B4GALT6: variants seen among roughly 807,000 people sequenced by gnomAD.
B4GALT6 encodes the protein UDP-Gal:beta-GlcNAc beta-1,4-galactosyltransferase 6.
In B4GALT6, 14 loss-of-function variants were observed where a neutral mutation model predicts 46.3. The observed-to-expected ratio is 0.30, with a 90% CI of 0.20 to 0.47. B4GALT6 has a LOEUF of 0.47. B4GALT6 is among the 20% of genes least tolerant of loss of function. The pLI is 0.99. For missense variants in B4GALT6, 386 were observed against 480.1 expected, an observed-to-expected ratio of 0.80 and a Z score of 1.83; for synonymous variants, 168 against 162.0, an observed-to-expected ratio of 1.04 and a Z score of -0.28.
At chr18:31,690,203 C>T (rs2144775874), upstream of B4GALT6, among the ~76,000 whole-genome samples, 1 of 152,266 alleles carries the variant, frequency 6.6e-6, no homozygotes, top group Non-Finnish European at 1.5e-5. Flanking sequence ...GATCTCTTGG[C>T]ACACTGCAAT....
chr18:31,678,536 G>C (rs1375532132), intron 1 of B4GALT6, among the ~76,000 whole-genome samples: 1 of 152,244 alleles, frequency 6.6e-6, no homozygotes, highest in Non-Finnish European at 1.5e-5. Context: ...AGTAGAATGA[G>C]TCAGGAATCC....
chr18:31,656,761 G>A (rs1441717017), intron 3 of B4GALT6, among the ~76,000 whole-genome samples: 3 of 152,104 alleles, frequency 2.0e-5, no homozygotes, highest in African/African-American at 7.2e-5. Flanking sequence ...GCCTGGGAAT[G>A]TGAAAAGATA....
intron 5 of B4GALT6, among the ~76,000 whole-genome samples, chr18:31,636,020 T>C (rs529460072): frequency 1.3e-5 from 2 of 152,280 alleles, no homozygotes; most frequent in South Asian, 2.1e-4. Flanking sequence ...TGCATACATA[T>C]GACGTGTATA....
chr18:31,683,990 A>G (rs2074511442), intron 1 of B4GALT6, among the ~76,000 whole-genome samples: 1 of 152,244 alleles, frequency 6.6e-6, no homozygotes, highest in Non-Finnish European at 1.5e-5. Flanking sequence ...AAGACTTAAC[A>G]TTAAATGGAT....
At chr18:31,703,909 G>A in the B4GALT6 span, among the ~76,000 whole-genome samples, 21 of 152,212 alleles carry the variant, frequency 1.4e-4, no homozygotes, top group African/African-American at 3.9e-4. Flanking sequence ...AATATTATTC[G>A]GAAAGTTAAT....
chr18:31,674,217 AAAAG>A (rs773786973), intron 1 of B4GALT6, among the ~76,000 whole-genome samples: 2 of 152,204 alleles, frequency 1.3e-5, no homozygotes, highest in Non-Finnish European at 2.9e-5. Flanking sequence ...AAACAAACTC[AAAAG>A]AAAGTTAACA....
chr18:31,714,822 C>T, the B4GALT6 span, among the ~76,000 whole-genome samples: 3 of 152,152 alleles, frequency 2.0e-5, no homozygotes, highest in East Asian at 3.9e-4. Context: ...TGAAATCTTA[C>T]CTTGTAGGCT....
At chr18:31,655,423 A>T (rs1482522272) in intron 3 of B4GALT6, among the ~76,000 whole-genome samples, 1 of 152,190 alleles carries the variant, frequency 6.6e-6, no homozygotes, top group Non-Finnish European at 1.5e-5. Context: ...GAATGCAAGG[A>T]TCCCAGGGAA....
chr18:31,630,767 T>A (rs577784733), intron 6 of B4GALT6, among the ~76,000 whole-genome samples, 192 bp downstream of exon 6: 2 of 152,068 alleles, frequency 1.3e-5, no homozygotes. Context: ...CAAACCTCTG[T>A]GTAAGGAAGC....
chr18:31,711,911 G>T, the B4GALT6 span, among the ~76,000 whole-genome samples: 1 of 152,140 alleles, frequency 6.6e-6, no homozygotes, highest in Non-Finnish European at 1.5e-5. Context: ...AAATTCACCA[G>T]TCATTGTCTA....
chr18:31,641,927 T>C (rs972989266), intron 4 of B4GALT6, among the ~76,000 whole-genome samples: 2 of 152,230 alleles, frequency 1.3e-5, no homozygotes, highest in Non-Finnish European at 2.9e-5. Flanking sequence ...CACCACCAGC[T>C]ACACTGTCCC....
chr18:31,713,603 C>T, the B4GALT6 span, among the ~76,000 whole-genome samples: 462 of 152,322 alleles, frequency 3.0e-3, no homozygotes, highest in Non-Finnish European at 4.7e-3. Flanking sequence ...CCTTCCTGTA[C>T]TTGGCCTTTT....
At chr18:31,646,884 G>T (rs1479659672) in intron 3 of B4GALT6, among the ~76,000 whole-genome samples, 1 of 152,174 alleles carries the variant, frequency 6.6e-6, no homozygotes, top group Non-Finnish European at 1.5e-5. Context: ...ATCTTCTAAT[G>T]CCTGCCTGTT....
At chr18:31,687,746 C>T (rs970656171), upstream of B4GALT6, among the ~76,000 whole-genome samples, 1 of 152,118 alleles carries the variant, frequency 6.6e-6, no homozygotes, top group Admixed American at 6.5e-5. Context: ...ACACCGTGCT[C>T]TTAAATATTT....
intron 6 of B4GALT6, among the ~76,000 whole-genome samples, chr18:31,627,940 G>A (rs917224930): frequency 6.6e-6 from 1 of 152,168 alleles, no homozygotes; most frequent in East Asian, 1.9e-4. Context: ...CAGAGAAAAC[G>A]TGACCATGCA....
At chr18:31,640,811 A>G (rs2073920782) in intron 4 of B4GALT6, among the ~76,000 whole-genome samples, 1 of 152,260 alleles carries the variant, frequency 6.6e-6, no homozygotes, top group African/African-American at 2.4e-5. Context: ...GCTGGGCTTC[A>G]GCGCCAATGG....
intron 4 of B4GALT6, among the ~76,000 whole-genome samples, chr18:31,640,908 G>A (rs1567963872): frequency 6.6e-6 from 1 of 152,236 alleles, no homozygotes. Flanking sequence ...GCTATGAAAA[G>A]TAAAAGGAGC....
chr18:31,665,291 T>G (rs940623742), intron 2 of B4GALT6, among the ~76,000 whole-genome samples: 3 of 152,224 alleles, frequency 2.0e-5, no homozygotes, highest in African/African-American at 7.2e-5. Context: ...TGGCAGACAC[T>G]GTGGCAACCC....
At chr18:31,680,396 T>A (rs1016753516) in intron 1 of B4GALT6, among the ~76,000 whole-genome samples, 18 of 152,112 alleles carry the variant, frequency 1.2e-4, no homozygotes, top group Admixed American at 1.0e-3. Context: ...CATACATGCT[T>A]GCACATAGAC....
Sources: allele counts gnomAD v4.1 joint callset (sites outside exome capture counted in the v4.1 genomes callset), GRCh38; gene constraint gnomAD v4.1.1; transcripts MANE v1.5; gene names NCBI Gene and HGNC (gene_info 2026-07-23, HGNC 2026-07-21).